The following TUSC3 variants were observed in gnomAD, a reference collection of about 807,000 sequenced individuals.
TUSC3 encodes dolichyl-diphosphooligosaccharide--protein glycosyltransferase subunit TUSC3.
A neutral mutation model predicts 44.8 loss-of-function variants in TUSC3; 45 were observed. That is an observed-to-expected ratio of 1.00 (90% CI 0.79 to 1.29). The LOEUF (loss-of-function observed/expected upper bound fraction) is 1.29. Ranked by LOEUF, TUSC3 falls within the 50% of genes most tolerant of loss-of-function variation. The pLI is 0.00. For synonymous variants in TUSC3, 212 were observed against 152.9 expected, an observed-to-expected ratio of 1.39 and a Z score of -2.85; for missense variants, 519 against 437.9, an observed-to-expected ratio of 1.19 and a Z score of -1.65.
chr8:15,655,803 T>C (rs747477991), intron 3 of TUSC3, among the ~76,000 whole-genome samples: 3 of 152,214 alleles, frequency 2.0e-5, no homozygotes, highest in Admixed American at 6.5e-5. Flanking sequence ...AAATAGTTCT[T>C]ATTACTATTA....
chr8:15,439,246 A>C (rs898555402), intron 1 of TUSC3, among the ~76,000 whole-genome samples: 2 of 152,238 alleles, frequency 1.3e-5, no homozygotes, highest in Non-Finnish European at 2.9e-5. Context: ...GTAATCAGCC[A>C]ACTAAATTAC....
rs773252837 is a variant in TUSC3 at position 15,540,581 on chromosome 8, C to A, written c.138+13C>A. ...GAAGAAAAAGGAGGTAGAATGGATC[C>A]CCTTGGCCTTCCCCTGTGGGCGGGG... is the stretch of plus-strand genomic sequence containing the variant. On this transcript the variant is annotated intron_variant, in intron 1 of 10. Coordinates refer to ENST00000503731, the MANE Select transcript of TUSC3 (RefSeq NM_006765.4). 5.2e-6 allele frequency: 8 copies of A among 1,553,242 alleles called. No individual in the cohort carries two copies. The highest frequency in any genetic ancestry group is 1.7e-4 in the Middle Eastern group (1 of 5,856).
Position 15,720,201 on chromosome 8 carries a change from T to TATACACACACAC in TUSC3, c.799-10464_799-10463insTACACACACACA, listed in dbSNP as rs369753796. On this transcript the variant is annotated intron_variant, in intron 6 of 10. Coordinates refer to ENST00000503731, the MANE Select transcript of TUSC3 (RefSeq NM_006765.4). ...TTGTTAAATATAGTGTATATATATA[T>TATACACACACAC]ACACACACACACACACACACACACA... Among the ~76,000 whole-genome samples, 865 of 141,628 alleles carry TATACACACACAC rather than the reference T, an allele frequency of 6.1e-3. 7 individuals carry two copies. Among genetic ancestry groups the TATACACACACAC allele is most frequent in the Non-Finnish European group, 0.01 (689 of 65,750 alleles). The allele number at this position is 141,628 out of a possible 152,430, so 92.9% of individuals were successfully genotyped here. A position where few individuals can be genotyped will look rare whatever the true frequency, so the allele number is the denominator to read the frequency against.
At chr8:15,763,886 C>T (rs1489931470) in intron 10 of TUSC3, among the ~76,000 whole-genome samples, 2 of 151,972 alleles carry the variant, frequency 1.3e-5, no homozygotes, top group African/African-American at 2.4e-5. Flanking sequence ...CCTTGTATTT[C>T]CCCTACATTA....
intron 1 of TUSC3, among the ~76,000 whole-genome samples, chr8:15,581,720 A>T (rs1488308565): frequency 3.0e-5 from 4 of 134,394 alleles, no homozygotes; most frequent in Non-Finnish European, 5.0e-5. Flanking sequence ...GCTCTCTTCA[A>T]AGCTGTCAGA....
chr8:15,480,112 C>T (rs1427134333), intron 1 of TUSC3, among the ~76,000 whole-genome samples: 1 of 152,050 alleles, frequency 6.6e-6, no homozygotes, highest in Non-Finnish European at 1.5e-5. Context: ...AGGACCTCTT[C>T]AAAGAGAACT....
At chr8:15,569,047 G>A (rs1324699811) in intron 1 of TUSC3, among the ~76,000 whole-genome samples, 2 of 152,010 alleles carry the variant, frequency 1.3e-5, no homozygotes, top group African/African-American at 4.8e-5. Context: ...TCATTATTGT[G>A]CGGCTTGTTA....
chr8:15,807,836 G>T, the TUSC3 span, among the ~76,000 whole-genome samples: 1 of 152,210 alleles, frequency 6.6e-6, no homozygotes, highest in South Asian at 2.1e-4. Flanking sequence ...CATAAATATG[G>T]CAACAATAGA....
intron 1 of TUSC3, among the ~76,000 whole-genome samples, chr8:15,443,335 A>G (rs887128411): frequency 1.3e-5 from 1 of 75,000 alleles, no homozygotes; most frequent in Non-Finnish European, 2.7e-5. Context: ...CACCCACCTA[A>G]TTGTGTGTGT....
chr8:15,570,229 T>A (rs888978640), intron 1 of TUSC3, among the ~76,000 whole-genome samples: 30 of 151,696 alleles, frequency 2.0e-4, no homozygotes, highest in African/African-American at 7.0e-4. Context: ...CACATCTTTT[T>A]CCAGTGTTAA....
chr8:15,740,374 T>TA, intron 7 of TUSC3, among the ~76,000 whole-genome samples: 1 of 152,202 alleles, frequency 6.6e-6, no homozygotes, highest in African/African-American at 2.4e-5. Context: ...ACATTAAAAT[T>TA]AAAGTTTTCT....
the TUSC3 span, among the ~76,000 whole-genome samples, chr8:15,828,840 G>A: frequency 0.11 from 16,071 of 152,078 alleles, 962 homozygotes; most frequent in East Asian, 0.25. Flanking sequence ...TTCTTTGTGT[G>A]TCAAACCTTA....
intron 2 of TUSC3, among the ~76,000 whole-genome samples, chr8:15,530,889 C>A (rs930582407): frequency 3.9e-5 from 6 of 152,174 alleles, no homozygotes; most frequent in African/African-American, 1.2e-4. Flanking sequence ...ACCGTAAACT[C>A]AGTCCTTGTG....
At chr8:15,785,883 C>G in the TUSC3 span, among the ~76,000 whole-genome samples, 1 of 151,664 alleles carries the variant, frequency 6.6e-6, no homozygotes, top group South Asian at 2.1e-4. Context: ...TTCAGAAGTT[C>G]TATGCTGCAT....
chr8:15,575,350 T>C (rs979222813), intron 1 of TUSC3, among the ~76,000 whole-genome samples: 5 of 152,180 alleles, frequency 3.3e-5, no homozygotes, highest in African/African-American at 9.7e-5. Context: ...TATTCAAATA[T>C]ATTTTTCAAG....
At chr8:15,582,553 A>AT (rs1803411633) in intron 1 of TUSC3, among the ~76,000 whole-genome samples, 1 of 152,192 alleles carries the variant, frequency 6.6e-6, no homozygotes, top group Admixed American at 6.5e-5. Context: ...GAGACTAAAC[A>AT]TTAAAGGTCC....
At chr8:15,426,448 C>T (rs561495174) in intron 1 of TUSC3, among the ~76,000 whole-genome samples, 24 of 152,336 alleles carry the variant, frequency 1.6e-4, no homozygotes, top group African/African-American at 5.8e-4. Context: ...TCTTTGCTTC[C>T]ATGAGTTTGA....
the TUSC3 span, among the ~76,000 whole-genome samples, chr8:15,809,027 G>A: frequency 2.0e-5 from 3 of 152,142 alleles, no homozygotes; most frequent in African/African-American, 7.2e-5. Context: ...CCAAACTCAA[G>A]AGACAAGGGT....
intron 1 of TUSC3, among the ~76,000 whole-genome samples, chr8:15,617,138 A>ATTTTTT (rs71211064): frequency 1.1e-5 from 1 of 88,912 alleles, no homozygotes. Context: ...GTGTGTATAT[A>ATTTTTT]TTTTTTTTTT....
Sources: gnomAD v4.1 joint callset for allele counts (sites outside exome capture counted in the v4.1 genomes callset) on GRCh38, gnomAD v4.1.1 for gene constraint, MANE v1.5 for transcripts, NCBI Gene and HGNC (gene_info 2026-07-23, HGNC 2026-07-21) for gene names.